Variants in LMBRD1 observed in about 807,000 individuals in gnomAD.
The protein encoded by LMBRD1 is LMBR1 domain containing 1.
A neutral mutation model predicts 74.8 loss-of-function variants in LMBRD1; 64 were observed. The observed-to-expected ratio is 0.86, with a 90% confidence interval of 0.70 to 1.05. The LOEUF (loss-of-function observed/expected upper bound fraction) is 1.05. Ranked by LOEUF, LMBRD1 falls within the 50% of genes least tolerant of loss-of-function variation. The pLI is 0.00. For synonymous variants in LMBRD1, 204 were observed against 216.3 expected (o/e 0.94, Z 0.50); for missense variants, 652 against 645.9 (o/e 1.01, Z -0.10).
Position 69,675,468 on chromosome 6 carries a change from T to C in LMBRD1, c.*690A>G, listed in dbSNP as rs900247936. Among the ~76,000 whole-genome samples, 8 of 152,262 alleles carry C rather than the reference T, an allele frequency of 5.3e-5. No individual in the cohort carries two copies. Among genetic ancestry groups the C allele is most frequent in the Admixed American group, 5.2e-4 (8 of 15,286 alleles). On this transcript the variant is annotated 3_prime_UTR_variant, in exon 16 of 16. Transcript: ENST00000649934. The stretch of plus-strand genomic sequence containing the variant: ...TTCCAGGATTAATTATTCTTGACAA[T>C]ACCCCTATTTATATTGAAATACACA...
rs548390674 is a variant in LMBRD1 at position 69,775,292 on chromosome 6, C to T, written c.307+5202G>A. Among the ~76,000 whole-genome samples, 20 of 152,196 alleles carry T rather than the reference C, an allele frequency of 1.3e-4. No individual in the cohort carries two copies. In the South Asian group the frequency reaches 2.9e-3, roughly 22 times the overall value. On this transcript the variant is annotated intron_variant, in intron 3 of 15. Transcript: ENST00000649934. ...ATAACTAATCAACAGCTGGGGAGTG[C>T]TCACAAGGAGAAGCAGCAGGCAGCC...
intron 9 of LMBRD1, chr6:69,705,959 T>C (rs2149848028): frequency 9.8e-7 from 1 of 1,019,724 alleles, no homozygotes; most frequent in Non-Finnish European, 1.5e-6. Flanking sequence ...GGACTGCCTT[T>C]GTAATACACT....
chr6:69,750,220 C>T (rs1165130520), intron 4 of LMBRD1, among the ~76,000 whole-genome samples: 1 of 151,110 alleles, frequency 6.6e-6, no homozygotes, highest in Non-Finnish European at 1.5e-5. Flanking sequence ...AAGAACGTCA[C>T]ATATGTTAAC....
At chr6:69,796,655 C>A (rs1173964473) in intron 1 of LMBRD1, among the ~76,000 whole-genome samples, 158 bp downstream of exon 1, 1 of 152,248 alleles carries the variant, frequency 6.6e-6, no homozygotes, top group East Asian at 1.9e-4. Context: ...CCCCGCCGCC[C>A]GCCCAAGCCC....
intron 3 of LMBRD1, among the ~76,000 whole-genome samples, chr6:69,778,567 G>A (rs142739615): frequency 5.3e-5 from 8 of 152,208 alleles, no homozygotes; most frequent in African/African-American, 1.2e-4. Context: ...CTTCACTAAC[G>A]TATAAACTGG....
intron 7 of LMBRD1, among the ~76,000 whole-genome samples, chr6:69,730,291 G>A (rs1766827819): frequency 6.6e-6 from 1 of 151,914 alleles, no homozygotes; most frequent in Non-Finnish European, 1.5e-5. Flanking sequence ...TTCCAACTCT[G>A]CAGGCCTTAG....
chr6:69,758,237 C>T (rs1765307584), intron 3 of LMBRD1, among the ~76,000 whole-genome samples: 1 of 152,106 alleles, frequency 6.6e-6, no homozygotes, highest in Admixed American at 6.5e-5. Context: ...CTAACATTTA[C>T]ATCAAAACAC....
chr6:69,740,675 T>C (rs922026614), intron 6 of LMBRD1, among the ~76,000 whole-genome samples: 1 of 152,190 alleles, frequency 6.6e-6, no homozygotes, highest in East Asian at 1.9e-4. Flanking sequence ...TTTAGTATTG[T>C]ACCTGGGTAA....
chr6:69,746,077 T>C (rs917074781), intron 5 of LMBRD1: 9 of 207,924 alleles, frequency 4.3e-5, no homozygotes, highest in African/African-American at 9.3e-5. Context: ...CCTGTCATCA[T>C]TGGAAATCCC....
At chr6:69,691,237 G>GA (rs771503045) in intron 14 of LMBRD1, among the ~76,000 whole-genome samples, 3,820 of 122,224 alleles carry the variant, frequency 0.031, 68 homozygotes, top group Non-Finnish European at 0.044. Context: ...GTTAAATGTT[G>GA]AAAAAAAAAA....
chr6:69,730,208 A>G (rs1766825827), intron 7 of LMBRD1, among the ~76,000 whole-genome samples: 1 of 152,080 alleles, frequency 6.6e-6, no homozygotes, highest in Admixed American at 6.6e-5. Flanking sequence ...CATTCCTAAT[A>G]ACTTCTTTTA....
intron 15 of LMBRD1, 79 bp from the exon 16 acceptor site, chr6:69,676,350 G>A (rs1765544710): frequency 6.3e-7 from 1 of 1,575,918 alleles, no homozygotes; most frequent in Non-Finnish European, 8.7e-7. Flanking sequence ...TTCAATGACA[G>A]TACTATGATA....
intron 14 of LMBRD1, among the ~76,000 whole-genome samples, chr6:69,679,071 C>A (rs868855397): frequency 4.0e-4 from 59 of 149,274 alleles, no homozygotes; most frequent in South Asian, 1.9e-3. Context: ...AACAAACAAA[C>A]AAAAAAAATC....
At chr6:69,677,216 C>T (rs1438411584) in intron 14 of LMBRD1, among the ~76,000 whole-genome samples, 4 of 152,044 alleles carry the variant, frequency 2.6e-5, no homozygotes, top group African/African-American at 7.2e-5. Context: ...ACAGACTGAG[C>T]GGGGAAAGCC....
At chr6:69,757,812 A>G (rs1765298339) in intron 3 of LMBRD1, among the ~76,000 whole-genome samples, 1 of 152,210 alleles carries the variant, frequency 6.6e-6, no homozygotes, top group African/African-American at 2.4e-5. Flanking sequence ...ATATGCTTTT[A>G]CTTATAAATG....
At chr6:69,762,190 T>A (rs1765387937) in intron 3 of LMBRD1, among the ~76,000 whole-genome samples, 1 of 152,238 alleles carries the variant, frequency 6.6e-6, no homozygotes. Context: ...TTTGAATACT[T>A]TCCAGTTTGG....
chr6:69,796,757 C>T, intron 1 of LMBRD1, 56 bp downstream of exon 1: 6 of 1,545,248 alleles, frequency 3.9e-6, no homozygotes, highest in Non-Finnish European at 5.3e-6. Flanking sequence ...GCAGGGCCTG[C>T]CCCTCCCTTC....
chr6:69,763,651 G>A (rs1765418644), intron 3 of LMBRD1, among the ~76,000 whole-genome samples: 1 of 152,184 alleles, frequency 6.6e-6, no homozygotes, highest in African/African-American at 2.4e-5. Context: ...GAGAATAGCT[G>A]CCTTGAAGCC....
rs774416284 is a variant in LMBRD1, at chr6:69,699,096, A to G, written c.1285T>C (p.Tyr429His). ...LIVLHTSYMI[Y>H]SLAPQYVMYG... ...ATAACATATTGGGGAGCAAGACTATAAATCATGTAGCTAGTGTGAAGGACA... is the reference window on the plus strand; with the variant it reads ...ATAACATATTGGGGAGCAAGACTATGAATCATGTAGCTAGTGTGAAGGACA... The change falls in exon 13 of 16, where the codon TAT (tyrosine) becomes CAT (histidine). Residue 429 changes from tyrosine to histidine, a missense_variant. Physicochemically the swap from Tyr to His is moderately conservative, Grantham distance 83. Transcript: ENST00000649934. 5.0e-6 allele frequency: 8 copies of G among 1,609,570 alleles called. No individual in the cohort carries two copies. In the South Asian group the frequency reaches 8.8e-5, roughly 18 times the overall value.
Sources: allele counts gnomAD v4.1 joint callset (sites outside exome capture counted in the v4.1 genomes callset), GRCh38; gene constraint gnomAD v4.1.1; transcripts MANE v1.5; gene names NCBI Gene and HGNC (gene_info 2026-07-23, HGNC 2026-07-21).